C1orf167: variants seen among roughly 807,000 people sequenced by gnomAD.
The protein encoded by C1orf167 is chromosome 1 open reading frame 167.
In C1orf167, 153 loss-of-function variants were observed where a neutral mutation model predicts 176.5. The observed-to-expected ratio is 0.87, with a 90% CI of 0.76 to 0.99. The LOEUF is 0.99. Ranked by LOEUF, C1orf167 falls within the 50% of genes least tolerant of loss-of-function variation. The pLI is 0.00. For missense variants in C1orf167, 1,490 were observed against 1,817.7 expected, an observed-to-expected ratio of 0.82 and a Z score of 3.28; for synonymous variants, 594 against 752.7, an observed-to-expected ratio of 0.79 and a Z score of 3.45.
intron 4 of C1orf167, 114 bp from the exon 5 acceptor site, chr1:11,767,963 G>A (rs1415300503): frequency 8.1e-6 from 6 of 741,948 alleles, no homozygotes; most frequent in Non-Finnish European, 1.1e-5. Context: ...GTTGTGGCGT[G>A]GGTCATCACC....
intron 20 of C1orf167, 81 bp downstream of exon 20, chr1:11,788,827 C>T: frequency 8.3e-7 from 1 of 1,205,188 alleles, no homozygotes; most frequent in Non-Finnish European, 1.1e-6. Flanking sequence ...CAGCCACGCA[C>T]CGTGGAGCTT....
chr1:11,778,570 A>C, intron 10 of C1orf167, 90 bp from the exon 11 acceptor site: 2 of 1,122,820 alleles, frequency 1.8e-6, no homozygotes, highest in Non-Finnish European at 2.3e-6. Flanking sequence ...CATCTCTTTC[A>C]CAGCGGCCAG....
Position 11,771,085 on chromosome 1 carries a change from T to A in C1orf167, c.1698-439T>A, listed in dbSNP as rs1168338115. On this transcript the variant is annotated intron_variant, in intron 6 of 20. Coordinates refer to ENST00000688073, the MANE Select transcript of C1orf167 (RefSeq NM_001010881.2). The stretch of plus-strand genomic sequence containing the variant: ...TATATATATATTTTTTTTTTTTTTT[T>A]TTTTTTTTTTTGTAGTAGAGACGGA... 7.5e-5 allele frequency among the ~76,000 whole-genome samples: 9 copies of A among 120,134 alleles called. No homozygotes were observed. The South Asian group carries it at 2.7e-3, about 35-fold the overall frequency. 78.8% of individuals were successfully genotyped at this position (120,134 alleles called of 152,430 possible).
Position 11,787,445 on chromosome 1 carries a change from T to G in C1orf167, c.3625T>G (p.Cys1209Gly). The G allele has an allele frequency of 7.7e-7, 1 of 1,303,358 alleles. No individual in the cohort carries two copies. The highest frequency in any genetic ancestry group is 5.6e-5 in the East Asian group (1 of 18,000). The allele number at this position is 1,303,358 out of a possible 1,614,324, so 80.7% of individuals were successfully genotyped here. A position where few individuals can be genotyped will look rare whatever the true frequency, so the allele number is the denominator to read the frequency against. ...ELVPPAPSLQ[C>G]SLGGRRKPRG... ...GGTGCCTCCCGCGCCATCACTGCAG[T>G]GCAGCCTGGGTGGACGGAGGAAGCC... Residue 1209 changes from cysteine to glycine, a missense_variant, in exon 17 of 21, where the codon TGC (cysteine) becomes GGC (glycine). Coordinates refer to ENST00000688073, the MANE Select transcript of C1orf167 (RefSeq NM_001010881.2).
chr1:11,779,110 T>C (rs1044971188), intron 12 of C1orf167, 30 bp downstream of exon 12: 15 of 1,219,414 alleles, frequency 1.2e-5, no homozygotes, highest in East Asian at 1.2e-4. Context: ...CGCCCGCCAC[T>C]CTATGGACTT....
chr1:11,787,543 G>A (rs1202776108), intron 17 of C1orf167, 50 bp downstream of exon 17: 7 of 1,217,008 alleles, frequency 5.8e-6, no homozygotes, highest in Non-Finnish European at 7.5e-6. Context: ...GTGCAGGGGT[G>A]AAGCGGTCTC....
intron 1 of C1orf167, among the ~76,000 whole-genome samples, chr1:11,762,570 G>A (rs1642563520): frequency 6.6e-6 from 1 of 152,210 alleles, no homozygotes; most frequent in Admixed American, 6.5e-5. Context: ...AGGAGTCTGC[G>A]CTGTGGAGCC....
intron 9 of C1orf167, among the ~76,000 whole-genome samples, 195 bp downstream of exon 9, chr1:11,775,805 C>T (rs538884965): frequency 3.3e-5 from 5 of 152,154 alleles, no homozygotes; most frequent in Non-Finnish European, 7.3e-5. Context: ...TCCCTATGTC[C>T]CATTATGAGC....
chr1:11,767,996 C>A, intron 4 of C1orf167, 81 bp from the exon 5 acceptor site: 1 of 1,110,872 alleles, frequency 9.0e-7, no homozygotes, highest in Non-Finnish European at 1.2e-6. Flanking sequence ...GGAAAGGCAT[C>A]TCAGAGGGTA....
intron 14 of C1orf167, among the ~76,000 whole-genome samples, chr1:11,782,935 A>G (rs895267110): frequency 1.5e-4 from 23 of 149,412 alleles, no homozygotes; most frequent in Non-Finnish European, 3.4e-4. Flanking sequence ...AAAAAAAAAA[A>G]AGGAGGAGAA....
chr1:11,789,432 C>A lies in C1orf167; in HGVS notation c.4336C>A (p.Gln1446Lys), dbSNP rs1307444965. 1.5e-6 allele frequency: 2 copies of A among 1,303,848 alleles called. No individual in the cohort carries two copies. The highest frequency in any genetic ancestry group is 2.0e-6 in the Non-Finnish European group (2 of 988,832). The allele number at this position is 1,303,848 out of a possible 1,614,324, so 80.8% of individuals were successfully genotyped here. A position where few individuals can be genotyped will look rare whatever the true frequency, so the allele number is the denominator to read the frequency against. Residue 1446 changes from glutamine (Q) to lysine (K), a missense_variant, in exon 21 of 21, where the codon CAG (glutamine) becomes AAG (lysine). Coordinates refer to ENST00000688073, the MANE Select transcript of C1orf167 (RefSeq NM_001010881.2). ...GWGLGAEHGAQLQL is the reference protein window; with the variant it reads ...GWGLGAEHGAKLQL ...GGGGCTTGGGGCAGAGCATGGGGCCCAGCTGCAGCTGTGACTTGTTCTCAT... is the reference window on the plus strand; with the variant it reads ...GGGGCTTGGGGCAGAGCATGGGGCCAAGCTGCAGCTGTGACTTGTTCTCAT...
In C1orf167 at chr1:11,768,900, C is replaced by T. The variant is rs189737870; in HGVS notation, c.1543-73C>T. 7.1e-4 allele frequency: 686 copies of T among 967,200 alleles called. 1 individual carries two copies. Among genetic ancestry groups the T allele is most frequent in the Admixed American group, 2.3e-3 (37 of 16,278 alleles). 59.9% of individuals were successfully genotyped at this position (967,200 alleles called of 1,614,324 possible). ...GATAGGCATGTGTTACTCCTGTCCC[C>T]GCCCCTGCCTGGTGTTCCCTTGGGA... On this transcript the variant is annotated intron_variant, in intron 5 of 20. Coordinates refer to ENST00000688073, the MANE Select transcript of C1orf167 (RefSeq NM_001010881.2). The surrounding 1 kb of genome is among the most constrained non-coding windows in gnomAD (Gnocchi z 4.5).
At position 11,772,206 on chromosome 1, in the gene C1orf167, T is replaced by C; in HGVS notation, c.1935T>C (p.Gly645=). The change falls in exon 8 of 21, where the codon GGT becomes GGC. Residue 645 remains glycine (G), a synonymous_variant. Coordinates refer to ENST00000688073, the MANE Select transcript of C1orf167 (RefSeq NM_001010881.2). The part of the protein sequence containing the change: ...FPQAWHSTAA[G]VAWVAPLSPQ... ...AGGCCTGGCACTCTACTGCTGCAGG[T>C]GTAGCCTGGGTGGCCCCACTGAGCC... The C allele has an allele frequency of 3.8e-6, 5 of 1,304,220 alleles. No homozygotes were observed. The highest frequency in any genetic ancestry group is 5.1e-6 in the Non-Finnish European group (5 of 988,918). The allele number at this position is 1,304,220 out of a possible 1,614,324, so 80.8% of individuals were successfully genotyped here.
chr1:11,782,190 G>A lies in C1orf167; in HGVS notation c.2862G>A (p.Gly954=), dbSNP rs1643631800. The A allele has an allele frequency of 7.8e-7, 1 of 1,278,234 alleles. No individual in the cohort carries two copies. The highest frequency in any genetic ancestry group is 1.0e-6 in the Non-Finnish European group (1 of 976,488). The allele number at this position is 1,278,234 out of a possible 1,614,324, so 79.2% of individuals were successfully genotyped here. A position where few individuals can be genotyped will look rare whatever the true frequency, so the allele number is the denominator to read the frequency against. Residue 954 remains glycine (G), a splice_region_variant and synonymous_variant, in exon 14 of 21, where the codon GGG becomes GGA. Coordinates refer to ENST00000688073, the MANE Select transcript of C1orf167 (RefSeq NM_001010881.2). ...ALCHWHSCWQ[G]QQFLHEKCQT... ...TCTTCAGCATCTCTCTGGCCCCAGG[G>A]CAGCAGTTCCTGCATGAAAAGTGCC...
At chr1:11,783,153 C>T (rs1233102302) in intron 14 of C1orf167, among the ~76,000 whole-genome samples, 1 of 152,144 alleles carries the variant, frequency 6.6e-6, no homozygotes, top group Non-Finnish European at 1.5e-5. Context: ...TACAAATTTG[C>T]GAATGTTCAG....
Position 11,772,128 on chromosome 1 carries a change from G to T in C1orf167, c.1857G>T (p.Arg619Ser). The T allele has an allele frequency of 1.5e-6, 2 of 1,304,288 alleles. No homozygotes were observed. The highest frequency in any genetic ancestry group is 2.0e-6 in the Non-Finnish European group (2 of 988,944). The allele number at this position is 1,304,288 out of a possible 1,614,324, so 80.8% of individuals were successfully genotyped here. A position where few individuals can be genotyped will look rare whatever the true frequency, so the allele number is the denominator to read the frequency against. Reference protein sequence around the residue: ...CQQKKRARQERETLRKATRAT... With the variant: ...CQQKKRARQESETLRKATRAT... ...AGAAGAAACGGGCCAGACAGGAGAG[G>T]GAGACTCTGCGGAAGGCCACCAGGG... Residue 619 changes from arginine (R) to serine (S), a missense_variant, in exon 8 of 21, where the codon AGG (arginine) becomes AGT (serine). Arg to Ser is a moderately radical substitution (Grantham distance 110, BLOSUM62 -1). Coordinates refer to ENST00000688073, the MANE Select transcript of C1orf167 (RefSeq NM_001010881.2).
rs916208314 is a variant in C1orf167 at position 11,766,336 on chromosome 1, A to G, written c.550A>G (p.Thr184Ala). The G allele has an allele frequency of 3.9e-6, 5 of 1,282,038 alleles. No individual in the cohort carries two copies. In the African/African-American group the frequency reaches 7.7e-5, roughly 20 times the overall value. The allele number at this position is 1,282,038 out of a possible 1,614,324, so 79.4% of individuals were successfully genotyped here. ...CACCCCTAGCGGGGACTTCAGGCCC[A>G]CTGAAGCCTTTGCCCCTCTCGATGG... ...PGTPSGDFRP[T>A]EAFAPLDGHT... is the part of the protein sequence containing the mutation. Residue 184 changes from threonine to alanine, a missense_variant, in exon 3 of 21, where the codon ACT becomes GCT. Physicochemically the swap from Thr to Ala is moderately conservative, Grantham distance 58. Transcript: ENST00000688073. The surrounding 1 kb of genome is among the most constrained non-coding windows in gnomAD (Gnocchi z 4.5).
chr1:11,763,819 C>G (rs1642648208), intron 1 of C1orf167, among the ~76,000 whole-genome samples: 1 of 152,162 alleles, frequency 6.6e-6, no homozygotes, highest in Non-Finnish European at 1.5e-5. Context: ...CTCCAGGGGT[C>G]AGATCCTGGA....
Position 11,775,424 on chromosome 1 carries a change from T to C in C1orf167, c.1989-11T>C. ...GCAATTGACATGGGTACTTTCCCTC[T>C]GTTCTCCCAGGTGCTTCGGGGCGTG... On this transcript the variant is annotated splice_polypyrimidine_tract_variant and intron_variant, in intron 8 of 20. Transcript: ENST00000688073. The C allele has an allele frequency of 7.8e-7, 1 of 1,286,354 alleles. No homozygotes were observed. The allele number at this position is 1,286,354 out of a possible 1,614,324, so 79.7% of individuals were successfully genotyped here.
Sources: gnomAD v4.1 joint callset for allele counts (sites outside exome capture counted in the v4.1 genomes callset) on GRCh38, gnomAD v4.1.1 for gene constraint, Gnocchi (gnomAD v3.1) non-coding constraint, MANE v1.5 for transcripts, NCBI Gene and HGNC (gene_info 2026-07-23, HGNC 2026-07-21) for gene names.